RAB3C: variants seen among roughly 807,000 people sequenced by gnomAD.
The protein encoded by RAB3C is ras-related protein Rab-3C.
A neutral mutation model predicts 26.4 loss-of-function variants in RAB3C; 17 were observed. That is an observed-to-expected ratio of 0.64 (90% CI 0.44 to 0.97). The LOEUF (loss-of-function observed/expected upper bound fraction) is 0.97, where lower values mean the gene tolerates loss of function less well. RAB3C is among the 50% of genes least tolerant of loss of function. The pLI, the probability that RAB3C is intolerant of heterozygous loss-of-function variation, is 0.00. For missense variants in RAB3C, 242 were observed against 281.9 expected, an observed-to-expected ratio of 0.86 and a Z score of 1.01; for synonymous variants, 91 against 95.9, an observed-to-expected ratio of 0.95 and a Z score of 0.30.
At chr5:58,697,446 T>C (rs1376687613) in intron 2 of RAB3C, among the ~76,000 whole-genome samples, 3 of 152,140 alleles carry the variant, frequency 2.0e-5, no homozygotes, top group Admixed American at 6.6e-5. Context: ...GGTCTGCTCG[T>C]TGCAGAGCTG....
At chr5:58,595,476 G>A (rs1746227635) in intron 1 of RAB3C, among the ~76,000 whole-genome samples, 2 of 152,048 alleles carry the variant, frequency 1.3e-5, no homozygotes, top group Non-Finnish European at 2.9e-5. Context: ...AGGGATCTTG[G>A]CCTAAATGTC....
intron 1 of RAB3C, among the ~76,000 whole-genome samples, chr5:58,587,041 C>T (rs1330723325): frequency 6.6e-6 from 1 of 152,072 alleles, no homozygotes; most frequent in East Asian, 1.9e-4. Flanking sequence ...CCCTAATTGA[C>T]TTTAGAGAAA....
intron 1 of RAB3C, among the ~76,000 whole-genome samples, chr5:58,599,689 T>C (rs1018667523): frequency 1.3e-5 from 2 of 151,488 alleles, no homozygotes; most frequent in African/African-American, 4.9e-5. Flanking sequence ...ATCTCCTTTT[T>C]CTTTTTTTTT....
chr5:58,800,827 A>G (rs1742791338), intron 3 of RAB3C, among the ~76,000 whole-genome samples: 1 of 152,182 alleles, frequency 6.6e-6, no homozygotes, highest in Non-Finnish European at 1.5e-5. Flanking sequence ...CTTCATCTCC[A>G]TGTGGAACTA....
At chr5:58,681,326 G>T (rs1314435705) in intron 2 of RAB3C, among the ~76,000 whole-genome samples, 2 of 152,186 alleles carry the variant, frequency 1.3e-5, no homozygotes, top group African/African-American at 4.8e-5. Flanking sequence ...TATTGCCAAT[G>T]TGAAGATCTG....
chr5:58,700,628 G>A (rs1201594201), intron 2 of RAB3C, among the ~76,000 whole-genome samples: 1 of 152,144 alleles, frequency 6.6e-6, no homozygotes, highest in East Asian at 1.9e-4. Flanking sequence ...ATCAAGTGAG[G>A]TGATAATGTG....
chr5:58,642,235 T>C (rs1181829782), intron 2 of RAB3C, among the ~76,000 whole-genome samples: 1 of 152,210 alleles, frequency 6.6e-6, no homozygotes, highest in Non-Finnish European at 1.5e-5. Context: ...ACTTAAGCAA[T>C]CTTAGCTTTA....
intron 2 of RAB3C, among the ~76,000 whole-genome samples, chr5:58,661,832 G>A (rs1579844162): frequency 6.7e-6 from 1 of 149,426 alleles, no homozygotes; most frequent in Non-Finnish European, 1.5e-5. Flanking sequence ...GCACACTGAG[G>A]AAGAGATGGA....
At chr5:58,619,656 A>G (rs1204896166) in intron 2 of RAB3C, among the ~76,000 whole-genome samples, 1 of 152,166 alleles carries the variant, frequency 6.6e-6, no homozygotes, top group Admixed American at 6.5e-5. Flanking sequence ...TCATTTAGAT[A>G]AAGCATCAGC....
At position 58,793,038 on chromosome 5, in the gene RAB3C, C is replaced by T. The variant is rs79041976; in HGVS notation, c.372-32000C>T. ...TCTAAAATTCTGTATGTCCAATGCA[C>T]ATTCTTATTGCTTGTACCTGAGGGA... On this transcript the variant is annotated intron_variant, in intron 3 of 4. Coordinates refer to ENST00000282878, the MANE Select transcript of RAB3C (RefSeq NM_138453.4). 5.5e-3 allele frequency among the ~76,000 whole-genome samples: 838 copies of T among 152,122 alleles called. 13 individuals are homozygous for T. Among genetic ancestry groups the T allele is most frequent in the African/African-American group, 0.019 (792 of 41,500 alleles).
intron 2 of RAB3C, among the ~76,000 whole-genome samples, chr5:58,641,937 A>G (rs1290903095): frequency 6.6e-6 from 1 of 152,118 alleles, no homozygotes; most frequent in Non-Finnish European, 1.5e-5. Context: ...GCTTGTGGCA[A>G]GTGTAGTTGT....
At chr5:58,774,865 G>C (rs1742093401) in intron 3 of RAB3C, among the ~76,000 whole-genome samples, 1 of 152,154 alleles carries the variant, frequency 6.6e-6, no homozygotes, top group Non-Finnish European at 1.5e-5. Context: ...CAGGAGCTGA[G>C]CGAGAGGTGG....
chr5:58,719,197 G>T (rs1740682389), intron 2 of RAB3C, among the ~76,000 whole-genome samples: 1 of 151,968 alleles, frequency 6.6e-6, no homozygotes, highest in Non-Finnish European at 1.5e-5. Flanking sequence ...AAGCAACATT[G>T]CTCTGTCCTT....
At chr5:58,607,213 C>T (rs991395561) in intron 1 of RAB3C, among the ~76,000 whole-genome samples, 2 of 152,020 alleles carry the variant, frequency 1.3e-5, no homozygotes, top group African/African-American at 4.8e-5. Flanking sequence ...TAGAAAGGAC[C>T]TTAAGTGACT....
intron 3 of RAB3C, among the ~76,000 whole-genome samples, chr5:58,728,649 A>G (rs531323703): frequency 5.9e-5 from 9 of 152,108 alleles, no homozygotes; most frequent in African/African-American, 2.2e-4. Flanking sequence ...AGCTTTGACA[A>G]CATATACAAG....
chr5:58,777,275 A>G (rs952075943), intron 3 of RAB3C, among the ~76,000 whole-genome samples: 1 of 151,976 alleles, frequency 6.6e-6, no homozygotes, highest in Non-Finnish European at 1.5e-5. Flanking sequence ...CTCTCCTTCA[A>G]TCCCTCCTGC....
chr5:58,755,261 G>C (rs1407925165), intron 3 of RAB3C, among the ~76,000 whole-genome samples: 6 of 152,190 alleles, frequency 3.9e-5, no homozygotes, highest in African/African-American at 1.4e-4. Flanking sequence ...CTGATTCAAT[G>C]CCGTTGTAAG....
chr5:58,821,622 G>A (rs1743344956), intron 3 of RAB3C, among the ~76,000 whole-genome samples: 1 of 152,160 alleles, frequency 6.6e-6, no homozygotes, highest in South Asian at 2.1e-4. Context: ...ATTAACTTAG[G>A]TATCAGAATT....
chr5:58,791,426 A>G (rs1476462350), intron 3 of RAB3C, among the ~76,000 whole-genome samples: 1 of 152,206 alleles, frequency 6.6e-6, no homozygotes, highest in Non-Finnish European at 1.5e-5. Flanking sequence ...TGGACAAAGT[A>G]AGGAATCCCC....
Sources: allele counts gnomAD v4.1 joint callset (sites outside exome capture counted in the v4.1 genomes callset), GRCh38; gene constraint gnomAD v4.1.1; transcripts MANE v1.5; gene names NCBI Gene and HGNC (gene_info 2026-07-23, HGNC 2026-07-21).